RARB: variants seen among roughly 807,000 people sequenced by gnomAD.
RARB encodes the protein HBV-activated protein.
RARB carries 17 observed loss-of-function variants against 51.9 expected under a neutral mutation model. The observed-to-expected ratio is 0.33, with a 90% CI of 0.22 to 0.49. RARB has a LOEUF of 0.49. RARB is among the 20% of genes least tolerant of loss of function. RARB has a pLI of 0.99. For synonymous variants in RARB, 215 were observed against 195.4 expected (o/e 1.10, Z -0.84); for missense variants, 369 against 550.8 (o/e 0.67, Z 3.30).
intron 2 of RARB, among the ~76,000 whole-genome samples, chr3:25,049,598 T>A (rs547936185): frequency 3.9e-5 from 6 of 152,372 alleles, no homozygotes; most frequent in African/African-American, 9.6e-5. Context: ...CTATACCACA[T>A]GCTTTTTATG....
chr3:25,018,326 A>AATCCT (rs1697558566), intron 2 of RARB, among the ~76,000 whole-genome samples: 3 of 152,230 alleles, frequency 2.0e-5, no homozygotes, highest in African/African-American at 7.2e-5. Context: ...TCTCTAAAGC[A>AATCCT]GTATAATCAT....
rs575302088 is a variant in RARB at position 25,324,597 on chromosome 3, G to T, written c.179-136596G>T. The T allele has an allele frequency of 2.4e-5, 4 of 169,024 alleles. No homozygotes were observed. The South Asian group carries it at 7.0e-4, about 29-fold the overall frequency. 10.5% of individuals were successfully genotyped at this position (169,024 alleles called of 1,614,324 possible). On this transcript the variant is annotated intron_variant, in intron 5 of 11. Coordinates refer to the RARB transcript ENST00000383772. ...AAACTGCTACGCGGAAGTCAAGAAC[G>T]ACCGCACCTTTGCAGAGAAGCTGGG... is the stretch of plus-strand genomic sequence containing the variant.
chr3:25,241,020 G>C lies in RARB; in HGVS notation c.178+66445G>C, dbSNP rs780656042. 6.6e-5 allele frequency among the ~76,000 whole-genome samples: 10 copies of C among 152,148 alleles called. No homozygotes were observed. The East Asian group carries it at 9.6e-4, about 15-fold the overall frequency. On this transcript the variant is annotated intron_variant, in intron 5 of 11. Coordinates refer to the RARB transcript ENST00000383772. ...CAATCTCATTACTTCTTGTTGGTCT[G>C]TTCAGCCTTTCTATTTCTTCTTGAT...
intron 5 of RARB, among the ~76,000 whole-genome samples, chr3:25,326,989 C>A (rs1029648201): frequency 2.6e-5 from 4 of 152,114 alleles, no homozygotes; most frequent in South Asian, 4.1e-4. Flanking sequence ...TCCCTCCCCC[C>A]TCCTCCCACC....
intron 2 of RARB, chr3:25,020,132 TA>T (rs1697600071): frequency 2.6e-5 from 1 of 38,286 alleles, no homozygotes; most frequent in East Asian, 5.4e-3. Context: ...TTATTATTAT[TA>T]TTATTATTAT....
chr3:25,506,703 AG>A (rs1468426923), intron 3 of RARB, among the ~76,000 whole-genome samples: 1 of 152,258 alleles, frequency 6.6e-6, no homozygotes, highest in African/African-American at 2.4e-5. Context: ...TAAACAAACA[AG>A]TGTGGTTATA....
intron 3 of RARB, among the ~76,000 whole-genome samples, chr3:25,081,586 CATATATATATATATATATATATATAT>C (rs1161956011): frequency 1.0e-4 from 2 of 19,638 alleles, no homozygotes; most frequent in Non-Finnish European, 1.7e-4. Flanking sequence ...GCTTCATATA[CATATATATATATATATATATATATAT>C]ATATATATAT....
intron 4 of RARB, among the ~76,000 whole-genome samples, chr3:25,137,580 T>A (rs1040885730): frequency 6.6e-6 from 1 of 152,114 alleles, no homozygotes; most frequent in Non-Finnish European, 1.5e-5. Flanking sequence ...GATGTTAAAG[T>A]TTGAAGAGCT....
At chr3:25,092,142 G>T (rs140662837) in intron 3 of RARB, among the ~76,000 whole-genome samples, 1 of 152,134 alleles carries the variant, frequency 6.6e-6, no homozygotes, top group African/African-American at 2.4e-5. Flanking sequence ...ATCTGCTGAC[G>T]AGGCACTTAG....
Position 25,215,410 on chromosome 3 carries a change from C to G in RARB, c.178+40835C>G, listed in dbSNP as rs180921146. ...TTAGTGAAATGTTAAATGGAAAAGACCATAATTTATGGAGGTCGTCTGACA... is the reference window on the plus strand; with the variant it reads ...TTAGTGAAATGTTAAATGGAAAAGAGCATAATTTATGGAGGTCGTCTGACA... On this transcript the variant is annotated intron_variant, in intron 5 of 11. Transcript: ENST00000383772. 3.9e-3 allele frequency among the ~76,000 whole-genome samples: 596 copies of G among 152,222 alleles called. 4 individuals carry two copies. The highest frequency in any genetic ancestry group is 0.013 in the African/African-American group (555 of 41,522).
intron 2 of RARB, among the ~76,000 whole-genome samples, chr3:24,992,745 G>A (rs1248894974): frequency 6.6e-6 from 1 of 151,882 alleles, no homozygotes; most frequent in African/African-American, 2.4e-5. Flanking sequence ...TTTTTATATG[G>A]ACACCAGTCA....
intron 1 of RARB, among the ~76,000 whole-genome samples, chr3:24,836,543 A>T (rs1295188836): frequency 6.6e-6 from 1 of 152,202 alleles, no homozygotes; most frequent in Non-Finnish European, 1.5e-5. Context: ...TTATTGTGTC[A>T]GCATCCTCCA....
chr3:24,970,416 T>C (rs1696371661), intron 2 of RARB, among the ~76,000 whole-genome samples: 1 of 152,070 alleles, frequency 6.6e-6, no homozygotes, highest in African/African-American at 2.4e-5. Flanking sequence ...CTGTCTTCTT[T>C]ATAATTAGTC....
intron 5 of RARB, among the ~76,000 whole-genome samples, chr3:25,260,794 C>T (rs1702980309): frequency 6.6e-6 from 1 of 152,052 alleles, no homozygotes; most frequent in African/African-American, 2.4e-5. Context: ...GGCTGGGTGA[C>T]CTTAGGCAAG....
At chr3:25,179,178 A>G (rs1215427478) in intron 5 of RARB, among the ~76,000 whole-genome samples, 1 of 152,168 alleles carries the variant, frequency 6.6e-6, no homozygotes, top group Non-Finnish European at 1.5e-5. Flanking sequence ...AATGAGTCTT[A>G]TTTCTATTTT....
At chr3:25,330,155 A>T (rs1478435793) in intron 5 of RARB, among the ~76,000 whole-genome samples, 1 of 152,156 alleles carries the variant, frequency 6.6e-6, no homozygotes, top group Non-Finnish European at 1.5e-5. Flanking sequence ...AATTCAGGAA[A>T]TACAGAGAAC....
chr3:25,206,664 C>T (rs1000189350), intron 5 of RARB, among the ~76,000 whole-genome samples: 5 of 152,162 alleles, frequency 3.3e-5, no homozygotes, highest in South Asian at 2.1e-4. Context: ...GCATGAAATA[C>T]AGTAGCTCAA....
chr3:25,493,499 C>T (rs1696854160), intron 2 of RARB, among the ~76,000 whole-genome samples: 1 of 152,212 alleles, frequency 6.6e-6, no homozygotes, highest in South Asian at 2.1e-4. Context: ...CCTGGGGTCA[C>T]ACTGCACAGA....
intron 4 of RARB, among the ~76,000 whole-genome samples, chr3:25,136,776 A>T (rs1173726969): frequency 6.6e-6 from 1 of 152,016 alleles, no homozygotes; most frequent in Non-Finnish European, 1.5e-5. Flanking sequence ...GGGGATGAAG[A>T]GGGAAGGCCT....
Sources: gnomAD v4.1 joint callset for allele counts (sites outside exome capture counted in the v4.1 genomes callset) on GRCh38, gnomAD v4.1.1 for gene constraint, MANE v1.5 for transcripts, NCBI Gene and HGNC (gene_info 2026-07-23, HGNC 2026-07-21) for gene names.